RBFOX3: variants seen among roughly 807,000 people sequenced by gnomAD.
RBFOX3 encodes RNA binding protein fox-1 homolog 3.
RBFOX3 carries 17 observed loss-of-function variants against 48.7 expected under a neutral mutation model. The ratio of observed to expected loss-of-function variants is 0.35; its 90% CI spans 0.24 to 0.52. RBFOX3 has a LOEUF of 0.52. Ranked by LOEUF, RBFOX3 falls within the 20% of genes least tolerant of loss-of-function variation. RBFOX3 has a pLI of 0.94. For synonymous variants in RBFOX3, 212 were observed against 209.5 expected (o/e 1.01, Z -0.10); for missense variants, 382 against 497.5 (o/e 0.77, Z 2.21).
chr17:79,388,146 ATG>A (rs1410600388), intron 2 of RBFOX3, among the ~76,000 whole-genome samples: 1 of 150,892 alleles, frequency 6.6e-6, no homozygotes, highest in African/African-American at 2.5e-5. Flanking sequence ...ATGTGTGTGC[ATG>A]TGTGTGTGCA....
chr17:79,637,730 AGGGAG>A, the RBFOX3 span, among the ~76,000 whole-genome samples: 5 of 109,180 alleles, frequency 4.6e-5, no homozygotes, highest in African/African-American at 1.5e-4. Flanking sequence ...GGCGAAGGGA[AGGGAG>A]GGGAGGGGAG....
intron 4 of RBFOX3, among the ~76,000 whole-genome samples, chr17:79,138,021 C>T (rs1227169047): frequency 2.6e-5 from 4 of 152,204 alleles, no homozygotes; most frequent in African/African-American, 9.6e-5. Flanking sequence ...CCAGGCAGCC[C>T]GCCCCCGCCA....
intron 4 of RBFOX3, among the ~76,000 whole-genome samples, chr17:79,145,316 G>A (rs1193384773): frequency 4.6e-5 from 7 of 152,198 alleles, no homozygotes; most frequent in Admixed American, 3.3e-4. Context: ...TTTCAAATAA[G>A]TTCCCGATGT....
chr17:79,534,899 C>G (rs1298007995), intron 1 of RBFOX3, among the ~76,000 whole-genome samples: 4 of 152,196 alleles, frequency 2.6e-5, no homozygotes, highest in African/African-American at 9.7e-5. Context: ...ACAAGTGCCC[C>G]AGAGACTGGG....
intron 1 of RBFOX3, among the ~76,000 whole-genome samples, chr17:79,593,933 A>T (rs2093495113): frequency 1.3e-5 from 2 of 152,298 alleles, no homozygotes; most frequent in South Asian, 4.1e-4. Flanking sequence ...CACTTGGACC[A>T]AAGGGTTTGG....
chr17:79,485,834 G>A (rs1263562287), intron 1 of RBFOX3, among the ~76,000 whole-genome samples: 6 of 152,278 alleles, frequency 3.9e-5, no homozygotes, highest in Middle Eastern at 3.4e-3. Context: ...CTAGGCGAAG[G>A]CGCTGCATCC....
At chr17:79,475,250 T>A (rs62062819) in intron 2 of RBFOX3, among the ~76,000 whole-genome samples, 4,010 of 152,214 alleles carry the variant, frequency 0.026, 78 homozygotes, top group Non-Finnish European at 0.04. Context: ...GGTCCTGGGG[T>A]TCTTCCAATG....
At chr17:79,484,951 T>C (rs1054394646) in intron 1 of RBFOX3, among the ~76,000 whole-genome samples, 23 of 152,288 alleles carry the variant, frequency 1.5e-4, no homozygotes, top group African/African-American at 4.6e-4. Flanking sequence ...AGGGAGATAA[T>C]AGGATACACT....
intron 3 of RBFOX3, among the ~76,000 whole-genome samples, chr17:79,297,650 T>C (rs551788398): frequency 1.8e-4 from 28 of 152,206 alleles, no homozygotes; most frequent in Admixed American, 4.6e-4. Flanking sequence ...CCCAGGGAGA[T>C]GGGGGTCAGG....
intron 1 of RBFOX3, among the ~76,000 whole-genome samples, chr17:79,595,660 G>A (rs2093550913): frequency 6.6e-6 from 1 of 152,188 alleles, no homozygotes; most frequent in Non-Finnish European, 1.5e-5. Flanking sequence ...GCAGAGGGGA[G>A]GACGGACCTG....
intron 1 of RBFOX3, among the ~76,000 whole-genome samples, chr17:79,486,031 C>G (rs2079540307): frequency 6.6e-6 from 1 of 152,286 alleles, no homozygotes; most frequent in Non-Finnish European, 1.5e-5. Flanking sequence ...ACCCCACGCC[C>G]CACCCCTTGG....
intron 2 of RBFOX3, among the ~76,000 whole-genome samples, chr17:79,458,687 G>A (rs1294248783): frequency 1.3e-5 from 2 of 152,150 alleles, no homozygotes; most frequent in East Asian, 1.9e-4. Flanking sequence ...GCTGGGGCGG[G>A]GGCAGCAGCT....
chr17:79,546,637 G>A (rs1330112145), intron 1 of RBFOX3, among the ~76,000 whole-genome samples: 3 of 149,534 alleles, frequency 2.0e-5, no homozygotes, highest in African/African-American at 7.4e-5. Flanking sequence ...ATTCCCATCC[G>A]CCGGCATTCC....
At chr17:79,224,605 G>A (rs1330652672) in intron 4 of RBFOX3, among the ~76,000 whole-genome samples, 1 of 152,218 alleles carries the variant, frequency 6.6e-6, no homozygotes, top group Non-Finnish European at 1.5e-5. Flanking sequence ...GTGATCCAGA[G>A]TGGACCTTAC....
At chr17:79,294,376 T>A (rs1006548913) in intron 3 of RBFOX3, among the ~76,000 whole-genome samples, 1 of 152,108 alleles carries the variant, frequency 6.6e-6, no homozygotes, top group Non-Finnish European at 1.5e-5. Context: ...AGTGGTGTGA[T>A]CTCTGCTCAC....
chr17:79,444,233 G>T (rs1052701156), intron 2 of RBFOX3, among the ~76,000 whole-genome samples: 1 of 152,154 alleles, frequency 6.6e-6, no homozygotes, highest in Non-Finnish European at 1.5e-5. Flanking sequence ...CACCCTCAGG[G>T]GTCAGCCAAC....
At chr17:79,502,126 G>A (rs1384430066) in intron 1 of RBFOX3, among the ~76,000 whole-genome samples, 2 of 152,144 alleles carry the variant, frequency 1.3e-5, no homozygotes, top group African/African-American at 2.4e-5. Context: ...TGAAAAATGG[G>A]GCTAATATAA....
intron 8 of RBFOX3, among the ~76,000 whole-genome samples, chr17:79,102,185 G>A (rs771845195): frequency 3.3e-5 from 5 of 152,216 alleles, no homozygotes; most frequent in South Asian, 2.1e-4. Context: ...GGGGCTCTGG[G>A]CACGAAGTCA....
chr17:79,194,854 C>G (rs60469779), intron 4 of RBFOX3, among the ~76,000 whole-genome samples: 30,540 of 151,770 alleles, frequency 0.2, 3,412 homozygotes, highest in South Asian at 0.33. Context: ...GATTACATGT[C>G]AAAATGATCA....
Sources: gnomAD v4.1 joint callset for allele counts (sites outside exome capture counted in the v4.1 genomes callset) on GRCh38, gnomAD v4.1.1 for gene constraint, MANE v1.5 for transcripts, NCBI Gene and HGNC (gene_info 2026-07-23, HGNC 2026-07-21) for gene names.